The following ZNF148 variants were observed in gnomAD, a reference collection of about 807,000 sequenced individuals.
ZNF148 encodes the protein zinc finger protein 148.
ZNF148 carries 7 observed loss-of-function variants against 67.7 expected under a neutral mutation model. That is an observed-to-expected ratio of 0.10 (90% CI 0.06 to 0.19). The LOEUF (loss-of-function observed/expected upper bound fraction) is 0.19, where lower values mean the gene tolerates loss of function less well. Among genes scored for constraint, ZNF148 ranks in the 10% least tolerant of loss-of-function variants. ZNF148 has a pLI of 1.00. For missense variants in ZNF148, 583 were observed against 947.1 expected (o/e 0.62, Z 5.05); for synonymous variants, 333 against 330.7 (o/e 1.01, Z -0.08).
chr3:125,260,537 T>C (rs927549742), intron 7 of ZNF148, among the ~76,000 whole-genome samples: 1 of 152,176 alleles, frequency 6.6e-6, no homozygotes, highest in African/African-American at 2.4e-5. Flanking sequence ...TATAATTCAA[T>C]TTATATGATG....
chr3:125,317,360 A>G (rs1392065612), intron 3 of ZNF148, among the ~76,000 whole-genome samples: 2 of 152,104 alleles, frequency 1.3e-5, no homozygotes, highest in Non-Finnish European at 2.9e-5. Flanking sequence ...TGATCCAGCA[A>G]TCTCACTGCT....
rs574545141 is a variant in ZNF148, at chr3:125,290,814, C to T, written c.334-2586G>A. On this transcript the variant is annotated intron_variant, in intron 4 of 8. Coordinates refer to ENST00000360647, the MANE Select transcript of ZNF148 (RefSeq NM_021964.3). Reference sequence around the variant, plus strand: ...GCACATGTGTCATACTCTAACTGAACAGAACAGAGAATAAGGGTAGAAATT... The same window carrying T: ...GCACATGTGTCATACTCTAACTGAATAGAACAGAGAATAAGGGTAGAAATT... 3.9e-5 allele frequency among the ~76,000 whole-genome samples: 6 copies of T among 152,136 alleles called. No homozygotes were observed. The South Asian group carries it at 1.2e-3, about 32-fold the overall frequency.
chr3:125,299,814 C>A (rs1471708545), intron 4 of ZNF148, among the ~76,000 whole-genome samples: 1 of 152,140 alleles, frequency 6.6e-6, no homozygotes, highest in African/African-American at 2.4e-5. Flanking sequence ...AGATAATACA[C>A]TTTTTTAAAG....
At chr3:125,311,763 G>C (rs1410033721) in intron 4 of ZNF148, among the ~76,000 whole-genome samples, 1 of 151,978 alleles carries the variant, frequency 6.6e-6, no homozygotes, top group African/African-American at 2.4e-5. Context: ...ATCAAAGAGA[G>C]GACATCACTA....
chr3:125,357,531 A>T (rs141429885), intron 1 of ZNF148, among the ~76,000 whole-genome samples: 1 of 152,044 alleles, frequency 6.6e-6, no homozygotes, highest in East Asian at 1.9e-4. Flanking sequence ...GAGCGCACGG[A>T]CCCAGGCGGG....
At chr3:125,235,830 C>G (rs1487393989) in intron 7 of ZNF148, among the ~76,000 whole-genome samples, 1 of 151,404 alleles carries the variant, frequency 6.6e-6, no homozygotes, top group Non-Finnish European at 1.5e-5. Flanking sequence ...AACCATCATT[C>G]TCAGCAAACT....
chr3:125,351,265 C>T (rs1473808819), intron 1 of ZNF148, among the ~76,000 whole-genome samples: 1 of 151,138 alleles, frequency 6.6e-6, no homozygotes, highest in East Asian at 1.9e-4. Context: ...GCCTGTAGTC[C>T]TAGCTACTCA....
At chr3:125,260,114 G>T (rs370827476) in intron 7 of ZNF148, among the ~76,000 whole-genome samples, 1 of 152,026 alleles carries the variant, frequency 6.6e-6, no homozygotes, top group South Asian at 2.1e-4. Flanking sequence ...AGTTTGTGGT[G>T]CCCCAAAACA....
chr3:125,331,987 G>A (rs1348020292), intron 1 of ZNF148, among the ~76,000 whole-genome samples: 5 of 152,088 alleles, frequency 3.3e-5, no homozygotes, highest in Admixed American at 6.6e-5. Flanking sequence ...AATAGATAAA[G>A]CATTTTATGT....
intron 1 of ZNF148, among the ~76,000 whole-genome samples, chr3:125,332,984 G>A (rs1343241984): frequency 6.6e-6 from 1 of 152,192 alleles, no homozygotes; most frequent in East Asian, 1.9e-4. Context: ...AAAGGACACT[G>A]CAAAGCCTAT....
At chr3:125,257,378 AC>A (rs1937133245) in intron 7 of ZNF148, among the ~76,000 whole-genome samples, 1 of 150,072 alleles carries the variant, frequency 6.7e-6, no homozygotes, top group Non-Finnish European at 1.5e-5. Flanking sequence ...ACATGGCGAA[AC>A]CCCGTCTCTA....
chr3:125,233,578 C>A lies in ZNF148; in HGVS notation c.1148G>T (p.Gly383Val). 6.2e-7 allele frequency: 1 copy of A among 1,613,920 alleles called. No individual in the cohort carries two copies. The highest frequency in any genetic ancestry group is 1.7e-4 in the Middle Eastern group (1 of 6,060). Residue 383 changes from glycine (G) to valine (V), a missense_variant, in exon 9 of 9, where the codon GGA becomes GTA. Gly to Val is a moderately radical substitution (Grantham distance 109). Around this residue, in one of 5 missense-constraint regions of ZNF148, gnomAD observed 172 missense variants for 307.7 expected, o/e 0.56. Coordinates refer to ENST00000360647, the MANE Select transcript of ZNF148 (RefSeq NM_021964.3). The surrounding 1 kb of genome is among the most constrained non-coding windows in gnomAD (Gnocchi z 5.1). ...VGGSHLEDAS[G>V]EIHPPKLVLK... ...AACTAACTTAGGTGGGTGTATTTCT[C>A]CTGACGCATCTTCTAAATGCGAGCC...
intron 1 of ZNF148, among the ~76,000 whole-genome samples, chr3:125,354,431 AAAAG>A (rs1942269392): frequency 6.6e-6 from 1 of 152,230 alleles, no homozygotes; most frequent in Non-Finnish European, 1.5e-5. Flanking sequence ...ATTAATTTAA[AAAAG>A]AACCCCATTG....
intron 4 of ZNF148, among the ~76,000 whole-genome samples, chr3:125,307,868 T>C (rs1260123574): frequency 6.6e-6 from 1 of 151,372 alleles, no homozygotes; most frequent in Non-Finnish European, 1.5e-5. Flanking sequence ...TGCAGGCTGG[T>C]CTTGAAGTTC....
chr3:125,258,858 G>A (rs979203468), intron 7 of ZNF148, among the ~76,000 whole-genome samples: 1 of 151,772 alleles, frequency 6.6e-6, no homozygotes, highest in African/African-American at 2.4e-5. Flanking sequence ...TAAAACTTAG[G>A]CTCCAAACTC....
chr3:125,293,129 G>C (rs1939105952), intron 4 of ZNF148, among the ~76,000 whole-genome samples: 1 of 152,054 alleles, frequency 6.6e-6, no homozygotes, highest in Admixed American at 6.6e-5. Flanking sequence ...TTTGAATATG[G>C]TAAATACTGA....
rs547654690 is a variant in ZNF148, at chr3:125,261,194, T to C, written c.667+16532A>G. The stretch of plus-strand genomic sequence containing the variant: ...AGCCATAGATAATACATTAAGGAAC[T>C]GGTAAGGCTCTGTTCCAATAAAATT... On this transcript the variant is annotated intron_variant, in intron 7 of 8. Transcript: ENST00000360647. Among the ~76,000 whole-genome samples, 48 of 152,268 alleles carry C rather than the reference T, an allele frequency of 3.2e-4. 1 individual carries two copies. Among genetic ancestry groups the C allele is most frequent in the Middle Eastern group, 6.8e-3 (2 of 294 alleles).
intron 4 of ZNF148, among the ~76,000 whole-genome samples, chr3:125,307,181 G>A (rs1434589087): frequency 1.3e-5 from 2 of 152,054 alleles, no homozygotes; most frequent in African/African-American, 4.8e-5. Flanking sequence ...TCCCAGGAAC[G>A]CAAGAGCTGT....
At chr3:125,372,695 C>A (rs1162965804) in intron 1 of ZNF148, among the ~76,000 whole-genome samples, 1 of 152,210 alleles carries the variant, frequency 6.6e-6, no homozygotes, top group Non-Finnish European at 1.5e-5. Flanking sequence ...AGGCCGAGCA[C>A]AGTGGCTCAC....
Sources: allele counts gnomAD v4.1 joint callset (sites outside exome capture counted in the v4.1 genomes callset), GRCh38; gene constraint gnomAD v4.1.1; regional missense constraint gnomAD v4.1.1; non-coding constraint Gnocchi (gnomAD v3.1); transcripts MANE v1.5; gene names NCBI Gene and HGNC (gene_info 2026-07-23, HGNC 2026-07-21).